ELL: variants seen among roughly 807,000 people sequenced by gnomAD.
ELL encodes RNA polymerase II elongation factor ELL.
A neutral mutation model predicts 64.0 loss-of-function variants in ELL; 18 were observed. The ratio of observed to expected loss-of-function variants is 0.28; its 90% CI spans 0.19 to 0.42. The LOEUF is 0.42. Among genes scored for constraint, ELL ranks in the 10% least tolerant of loss-of-function variants. The pLI, the probability that ELL is intolerant of heterozygous loss-of-function variation, is 1.00. For missense variants in ELL, 797 were observed against 870.4 expected, an observed-to-expected ratio of 0.92 and a Z score of 1.06; for synonymous variants, 399 against 376.2, an observed-to-expected ratio of 1.06 and a Z score of -0.70.
chr19:18,498,646 G>A (rs1287525604), intron 1 of ELL, among the ~76,000 whole-genome samples: 3 of 152,120 alleles, frequency 2.0e-5, no homozygotes, highest in African/African-American at 7.2e-5. Flanking sequence ...CCCCCGGATG[G>A]GTAGACAGGC....
chr19:18,453,690 T>A (rs1352238189), intron 6 of ELL, among the ~76,000 whole-genome samples: 1 of 152,216 alleles, frequency 6.6e-6, no homozygotes, highest in Non-Finnish European at 1.5e-5. Context: ...CTAGGGTAGC[T>A]GGGATCACAA....
intron 4 of ELL, among the ~76,000 whole-genome samples, chr19:18,463,745 G>A (rs901958758): frequency 2.6e-5 from 4 of 152,006 alleles, no homozygotes; most frequent in Non-Finnish European, 4.4e-5. Flanking sequence ...TTGGGATGCT[G>A]AGGTGGGCGG....
chr19:18,496,736 C>G (rs1274619602), intron 1 of ELL, among the ~76,000 whole-genome samples: 1 of 152,164 alleles, frequency 6.6e-6, no homozygotes. Flanking sequence ...CAAGGCCAGG[C>G]GGGTAGCACA....
At chr19:18,451,521 G>GA in intron 7 of ELL, 31 bp downstream of exon 7, 1 of 1,456,112 alleles carries the variant, frequency 6.9e-7, no homozygotes, top group Non-Finnish European at 9.0e-7. Context: ...GCAGGTGCTT[G>GA]GGACAGTCAC....
chr19:18,497,418 A>T (rs1471891655), intron 1 of ELL, among the ~76,000 whole-genome samples: 1 of 152,178 alleles, frequency 6.6e-6, no homozygotes, highest in Non-Finnish European at 1.5e-5. Context: ...GGGCAGTGAC[A>T]TGACTGTGTG....
chr19:18,462,953 C>G (rs1974857844), intron 4 of ELL, among the ~76,000 whole-genome samples: 1 of 152,162 alleles, frequency 6.6e-6, no homozygotes, highest in Admixed American at 6.5e-5. Flanking sequence ...GAGCAGGTTC[C>G]CCTCTATCCC....
At chr19:18,516,964 G>C (rs1413658073) in intron 1 of ELL, among the ~76,000 whole-genome samples, 1 of 152,094 alleles carries the variant, frequency 6.6e-6, no homozygotes, top group Non-Finnish European at 1.5e-5. Flanking sequence ...AGCACTTCCT[G>C]GGCCCTCATT....
At position 18,446,456 on chromosome 19, in the gene ELL, C is replaced by T. The variant is rs144942412; in HGVS notation, c.1557G>A (p.Ser519=). The change falls in exon 10 of 12, where the codon TCG becomes TCA. Residue 519 remains serine, a synonymous_variant. Coordinates refer to ENST00000262809, the MANE Select transcript of ELL (RefSeq NM_006532.4). The part of the protein sequence containing the change: ...YLLKYAAISS[S]EQRQSYKNDF... ...CGTTCTTGTAGCTCTGGCGCTGCTC[C>T]GAAGAGGAGATGGCTGCGTACTTCC... The T allele has an allele frequency of 2.5e-5, 41 of 1,612,658 alleles. No individual in the cohort carries two copies. The highest frequency in any genetic ancestry group is 2.3e-4 in the African/African-American group (17 of 75,052).
chr19:18,477,416 T>C (rs543028511), intron 1 of ELL, among the ~76,000 whole-genome samples: 1 of 152,226 alleles, frequency 6.6e-6, no homozygotes, highest in East Asian at 1.9e-4. Context: ...GCGGGGGATC[T>C]GAGAAAAGAG....
In ELL at chr19:18,461,675, G is replaced by A. The variant is rs751526495; in HGVS notation, c.647C>T (p.Ala216Val). Reference sequence around the variant, plus strand: ...CTCAGCCTTGCGGTAGGGCCGTAGTGCCAGGAGGTGCAGCACTCGGTCACG... The same window carrying A: ...CTCAGCCTTGCGGTAGGGCCGTAGTACCAGGAGGTGCAGCACTCGGTCACG... ...PFRDRVLHLL[A>V]LRPYRKAELL... The change falls in exon 5 of 12, where the codon GCA (alanine) becomes GTA (valine). Residue 216 changes from alanine (A) to valine (V), a missense_variant. Transcript: ENST00000262809. 3.1e-6 allele frequency: 5 copies of A among 1,613,314 alleles called. No homozygotes were observed. The South Asian group carries it at 5.5e-5, about 18-fold the overall frequency.
intron 7 of ELL, among the ~76,000 whole-genome samples, chr19:18,451,233 C>T (rs144057217): frequency 2.0e-5 from 3 of 152,316 alleles, no homozygotes; most frequent in East Asian, 3.9e-4. Flanking sequence ...TGGTCTAAAG[C>T]GCTGCTGTGC....
intron 1 of ELL, among the ~76,000 whole-genome samples, chr19:18,482,006 C>T (rs557371031): frequency 2.6e-5 from 4 of 152,286 alleles, no homozygotes; most frequent in South Asian, 2.1e-4. Context: ...TCCCCATCCA[C>T]GTCAACATTT....
intron 4 of ELL, among the ~76,000 whole-genome samples, chr19:18,462,377 C>CG (rs199584530): frequency 3.7e-4 from 6 of 16,110 alleles, no homozygotes; most frequent in Admixed American, 5.4e-4. Flanking sequence ...GGGCGGGGGG[C>CG]GGGGGGGGAA....
At chr19:18,491,856 G>A (rs1280651464) in intron 1 of ELL, among the ~76,000 whole-genome samples, 1 of 152,148 alleles carries the variant, frequency 6.6e-6, no homozygotes, top group African/African-American at 2.4e-5. Context: ...GGTTGAGATT[G>A]CAGTACAGCC....
Position 18,465,904 on chromosome 19 carries a change from G to A in ELL, c.198C>T (p.Pro66=), listed in dbSNP as rs763259894. Residue 66 remains proline (P), a synonymous_variant, in exon 3 of 12, where the codon CCC becomes CCT. Coordinates refer to ENST00000262809, the MANE Select transcript of ELL (RefSeq NM_006532.4). ...GCGCCTCTGCGGGGCAGTCAGGCTG[G>A]GGGATGGAGATGTGCTGCGTGGAGG... ...FQGSQGHISI[P]QPDCPAEART... 1 of 1,325,934 alleles carries A rather than the reference G, an allele frequency of 7.5e-7. No homozygotes were observed. The highest frequency in any genetic ancestry group is 3.1e-5 in the Admixed American group (1 of 32,324). 82.1% of individuals were successfully genotyped at this position (1,325,934 alleles called of 1,614,324 possible).
Position 18,443,485 on chromosome 19 carries a change from G to A in ELL, c.*1267C>T, listed in dbSNP as rs1054169706. 6.9e-5 allele frequency: 16 copies of A among 233,174 alleles called. No individual in the cohort carries two copies. The highest frequency in any genetic ancestry group is 2.0e-4 in the African/African-American group (9 of 45,282). The allele number at this position is 233,174 out of a possible 1,614,324, so 14.4% of individuals were successfully genotyped here. On this transcript the variant is annotated 3_prime_UTR_variant, in exon 12 of 12. Transcript: ENST00000262809. ...GATCCCTGGGCCCTGAGTCACAGCC[G>A]CCATCCACCCCCCACCACCTTTCCA...
intron 1 of ELL, among the ~76,000 whole-genome samples, chr19:18,482,763 T>TTTGTTGTTGTTG (rs71336679): frequency 0.08 from 11,912 of 149,620 alleles, 513 homozygotes; most frequent in South Asian, 0.12. Context: ...CTTTTTGGTT[T>TTTGTTGTTGTTG]TTGTTGTTGT....
rs142799600 is a variant in ELL, at chr19:18,485,668, G to A, written c.136-12786C>T. ...CAGAGGGTATCCCTTGCCCAAATTC[G>A]TGCCACATTCACAGTCACTGGGAAA... On this transcript the variant is annotated intron_variant, in intron 1 of 11. Coordinates refer to ENST00000262809, the MANE Select transcript of ELL (RefSeq NM_006532.4). Among the ~76,000 whole-genome samples the A allele has an allele frequency of 8.3e-4, 127 of 152,222 alleles. 1 individual carries two copies. Among genetic ancestry groups the A allele is most frequent in the African/African-American group, 2.7e-3 (111 of 41,534 alleles).
chr19:18,509,587 G>GCA (rs1975960928), intron 1 of ELL, among the ~76,000 whole-genome samples: 3 of 112,844 alleles, frequency 2.7e-5, no homozygotes, highest in African/African-American at 8.5e-5. Context: ...GCACGTGCGC[G>GCA]CGCGCGCACA....
Sources: gnomAD v4.1 joint callset for allele counts (sites outside exome capture counted in the v4.1 genomes callset) on GRCh38, gnomAD v4.1.1 for gene constraint, MANE v1.5 for transcripts, NCBI Gene and HGNC (gene_info 2026-07-23, HGNC 2026-07-21) for gene names.